The following HIVEP3 variants were observed in gnomAD, a reference collection of about 807,000 sequenced individuals.
The protein encoded by HIVEP3 is HIVEP zinc finger 3, also known as transcription factor HIVEP3.
A neutral mutation model predicts 152.8 loss-of-function variants in HIVEP3; 49 were observed. That is an observed-to-expected ratio of 0.32 (90% confidence interval 0.26 to 0.41). HIVEP3 has a LOEUF of 0.41. Among genes scored for constraint, HIVEP3 ranks in the 10% least tolerant of loss-of-function variants. HIVEP3 has a pLI of 1.00. For missense variants in HIVEP3, 2,790 were observed against 3,103.3 expected (o/e 0.90, Z 2.40); for synonymous variants, 1,269 against 1,289.0 (o/e 0.98, Z 0.33).
rs1644424243 is a variant in HIVEP3, at chr1:41,582,280, C to A, written c.2518G>T (p.Ala840Ser). The change falls in exon 4 of 9, where the codon GCT becomes TCT. Residue 840 changes from alanine to serine, a missense_variant. Ala to Ser is a moderately conservative substitution (Grantham distance 99, BLOSUM62 1). Transcript: ENST00000372583. The surrounding 1 kb of genome is among the most constrained non-coding windows in gnomAD (Gnocchi z 4.7). ...ACCAACTTAGGCTGCAGGGAGTGAG[C>A]AGAGCGTCCGTGTGGGGCAGGTGGG... ...SPPPAPHGRS[A>S]HSLQPKLVRQ... 1 of 1,613,986 alleles carries A rather than the reference C, an allele frequency of 6.2e-7. No individual in the cohort carries two copies. The highest frequency in any genetic ancestry group is 8.5e-7 in the Non-Finnish European group (1 of 1,179,942).
intron 1 of HIVEP3, among the ~76,000 whole-genome samples, chr1:41,911,594 A>G (rs527523806): frequency 9.2e-5 from 14 of 152,334 alleles, no homozygotes; most frequent in Non-Finnish European, 1.8e-4. Flanking sequence ...CTTGAAAAAA[A>G]ATGTTTACAG....
intron 1 of HIVEP3, among the ~76,000 whole-genome samples, chr1:41,707,605 G>T (rs909677445): frequency 1.3e-5 from 2 of 152,224 alleles, no homozygotes; most frequent in African/African-American, 4.8e-5. Context: ...CAAGAGGGAA[G>T]AACAAGAAGC....
intron 2 of HIVEP3, among the ~76,000 whole-genome samples, chr1:41,658,575 A>G (rs967610713): frequency 6.7e-6 from 1 of 148,990 alleles, no homozygotes; most frequent in Non-Finnish European, 1.5e-5. Flanking sequence ...TTCTCACTTC[A>G]CCCCCCCCAT....
In HIVEP3 at chr1:41,513,741, T is replaced by C. The variant is rs749085639; in HGVS notation, c.5480A>G (p.Asp1827Gly). The C allele has an allele frequency of 6.4e-7, 1 of 1,561,804 alleles. No homozygotes were observed. The highest frequency in any genetic ancestry group is 1.2e-5 in the South Asian group (1 of 81,156). Residue 1827 changes from aspartate to glycine, a missense_variant, in exon 8 of 9, where the codon GAC becomes GGC. Physicochemically the swap from Asp to Gly is moderately conservative, Grantham distance 94. Transcript: ENST00000372583. ...TCCTTCCGAGTCCTGGAACAGGTCG[T>C]CACTGGTTCCTGAGGGCAAACACAG... ...EELEAEEGTS[D>G]DLFQDSEGRE...
At chr1:41,746,171 T>C (rs930864066) in intron 1 of HIVEP3, among the ~76,000 whole-genome samples, 19 of 152,184 alleles carry the variant, frequency 1.2e-4, no homozygotes, top group African/African-American at 3.6e-4. Flanking sequence ...AAAAGAGCCA[T>C]AGATTATAAA....
At chr1:41,864,355 A>G (rs758650925) in intron 1 of HIVEP3, among the ~76,000 whole-genome samples, 1 of 152,214 alleles carries the variant, frequency 6.6e-6, no homozygotes, top group Non-Finnish European at 1.5e-5. Flanking sequence ...CTTATGGATA[A>G]GAAAATGAAG....
chr1:41,811,866 A>G (rs1650981145), intron 1 of HIVEP3, among the ~76,000 whole-genome samples: 1 of 152,228 alleles, frequency 6.6e-6, no homozygotes, highest in Admixed American at 6.5e-5. Flanking sequence ...TACAATTAAT[A>G]TAAAGAACCA....
intron 1 of HIVEP3, among the ~76,000 whole-genome samples, chr1:41,727,146 T>G (rs916448582): frequency 6.6e-6 from 1 of 151,986 alleles, no homozygotes; most frequent in Non-Finnish European, 1.5e-5. Context: ...GTTCACTGGG[T>G]TTTTCTATGT....
intron 1 of HIVEP3, among the ~76,000 whole-genome samples, chr1:41,798,882 C>A (rs754591863): frequency 2.6e-5 from 4 of 152,164 alleles, no homozygotes; most frequent in African/African-American, 4.8e-5. Flanking sequence ...TATTAAAGTG[C>A]TTGACTCTTG....
intron 5 of HIVEP3, among the ~76,000 whole-genome samples, chr1:41,573,845 G>A (rs957203935): frequency 6.6e-6 from 1 of 152,314 alleles, no homozygotes; most frequent in East Asian, 1.9e-4. Flanking sequence ...CTGAAGCAGA[G>A]CAGGTGGGAC....
At chr1:41,733,003 G>A (rs1646864236) in intron 1 of HIVEP3, among the ~76,000 whole-genome samples, 1 of 152,154 alleles carries the variant, frequency 6.6e-6, no homozygotes. Context: ...ACATGTGCAT[G>A]GAATAAATAA....
chr1:41,973,610 A>G (rs149726891), intron 1 of HIVEP3, among the ~76,000 whole-genome samples: 280 of 152,366 alleles, frequency 1.8e-3, no homozygotes, highest in Middle Eastern at 0.01. Flanking sequence ...AGTCTTTTGT[A>G]GCCCAATCAC....
chr1:41,759,485 T>C (rs552078634), intron 1 of HIVEP3, among the ~76,000 whole-genome samples: 3 of 152,360 alleles, frequency 2.0e-5, no homozygotes, highest in East Asian at 1.9e-4. Context: ...ATATTGTGAA[T>C]AGTGCAGATA....
Position 41,583,463 on chromosome 1 carries a change from G to A in HIVEP3, c.1335C>T (p.Thr445=), listed in dbSNP as rs148512420. 1.8e-3 allele frequency: 2,937 copies of A among 1,614,002 alleles called. 3 individuals carry two copies. Among genetic ancestry groups the A allele is most frequent in the Non-Finnish European group, 2.1e-3 (2,500 of 1,179,968 alleles). The change falls in exon 4 of 9, where the codon ACC becomes ACT. Residue 445 remains threonine, a synonymous_variant. Coordinates refer to ENST00000372583, the MANE Select transcript of HIVEP3 (RefSeq NM_024503.5). This position sits in a 1 kb window ranked among gnomAD's most constrained non-coding sequence, Gnocchi z 6.9. ...TSTQPLLPLS[T]EDKPSLVPLS... ...AAGGCACCAGGCTGGGCTTGTCTTC[G>A]GTGGACAGGGGCAGGAGGGGCTGGG...
chr1:41,572,515 C>G (rs1301481232), intron 5 of HIVEP3, among the ~76,000 whole-genome samples: 1 of 152,240 alleles, frequency 6.6e-6, no homozygotes, highest in Admixed American at 6.5e-5. Flanking sequence ...AGCTTCTCAG[C>G]TCTGGCCATC....
chr1:41,766,667 C>T (rs1192467558), intron 1 of HIVEP3, among the ~76,000 whole-genome samples: 4 of 152,214 alleles, frequency 2.6e-5, no homozygotes, highest in Non-Finnish European at 5.9e-5. Context: ...CACATCTGGA[C>T]AGCACCTGCA....
intron 5 of HIVEP3, chr1:41,535,695 C>A (rs772381228): frequency 6.6e-6 from 1 of 152,088 alleles, no homozygotes; most frequent in Non-Finnish European, 1.5e-5. Context: ...GACTCATGGA[C>A]TCAAAGGAAA....
At chr1:41,605,087 A>G (rs1300297051) in intron 3 of HIVEP3, among the ~76,000 whole-genome samples, 1 of 141,772 alleles carries the variant, frequency 7.1e-6, no homozygotes, top group East Asian at 2.3e-4. Flanking sequence ...TCTGGGTGAC[A>G]GAATGAGACT....
intron 1 of HIVEP3, among the ~76,000 whole-genome samples, chr1:42,003,073 T>C (rs1645437562): frequency 6.6e-6 from 1 of 152,000 alleles, no homozygotes; most frequent in African/African-American, 2.4e-5. Flanking sequence ...GACTTCTCTT[T>C]TTTCTTTTTT....
Sources: gnomAD v4.1 joint callset for allele counts (sites outside exome capture counted in the v4.1 genomes callset) on GRCh38, gnomAD v4.1.1 for gene constraint, Gnocchi (gnomAD v3.1) non-coding constraint, MANE v1.5 for transcripts, NCBI Gene and HGNC (gene_info 2026-07-23, HGNC 2026-07-21) for gene names.